The following SCHIP1 variants were observed in gnomAD, a reference collection of about 807,000 sequenced individuals.
SCHIP1 encodes the protein schwannomin-interacting protein 1.
Under a neutral mutation model 29.7 loss-of-function variants are expected in SCHIP1, and 8 were observed. The ratio of observed to expected loss-of-function variants is 0.27; its 90% CI spans 0.16 to 0.49. SCHIP1 has a LOEUF of 0.49. SCHIP1 is among the 20% of genes least tolerant of loss of function. SCHIP1 has a pLI of 0.99. For missense variants in SCHIP1, 193 were observed against 294.6 expected, an observed-to-expected ratio of 0.66 and a Z score of 2.52; for synonymous variants, 76 against 94.9, an observed-to-expected ratio of 0.80 and a Z score of 1.16.
chr3:159,665,086 C>T, the SCHIP1 span, among the ~76,000 whole-genome samples: 2 of 152,304 alleles, frequency 1.3e-5, no homozygotes, highest in African/African-American at 2.4e-5. Context: ...ATCTGAGCTC[C>T]ACCCAAGCCA....
chr3:159,426,609 G>A, the SCHIP1 span, among the ~76,000 whole-genome samples: 1 of 152,128 alleles, frequency 6.6e-6, no homozygotes, highest in African/African-American at 2.4e-5. Context: ...AGAGGTACAA[G>A]GAGGAACTGG....
exon 7 of SCHIP1, chr3:159,896,980 T>A: frequency 2.2e-6 from 1 of 463,790 alleles, no homozygotes; most frequent in Non-Finnish European, 3.7e-6. Flanking sequence ...TTTAATAAAA[T>A]ATTGTTACAA....
chr3:159,334,897 CTTCT>C, the SCHIP1 span, among the ~76,000 whole-genome samples: 22 of 122,388 alleles, frequency 1.8e-4, no homozygotes, highest in East Asian at 5.3e-4. Context: ...TCTTCTTCTT[CTTCT>C]TTTTTTTTTT....
chr3:159,419,290 G>GTCTTGC, the SCHIP1 span, among the ~76,000 whole-genome samples: 30 of 152,292 alleles, frequency 2.0e-4, no homozygotes, highest in South Asian at 3.9e-3. Flanking sequence ...GGGAGGACTA[G>GTCTTGC]AGGTGCTGTG....
the SCHIP1 span, among the ~76,000 whole-genome samples, chr3:159,736,027 A>G: frequency 2.0e-5 from 3 of 151,942 alleles, no homozygotes; most frequent in Admixed American, 6.6e-5. Context: ...GTGCTCAGTA[A>G]TTATGTTGGA....
the SCHIP1 span, among the ~76,000 whole-genome samples, chr3:159,359,571 C>T: frequency 6.6e-6 from 1 of 152,002 alleles, no homozygotes; most frequent in Non-Finnish European, 1.5e-5. Context: ...TTATCAAAGT[C>T]GTTAATTTTA....
chr3:159,432,335 T>A, the SCHIP1 span, among the ~76,000 whole-genome samples: 12,999 of 83,054 alleles, frequency 0.16, 676 homozygotes, highest in South Asian at 0.28. Context: ...TGTGTGTGTG[T>A]GTGTGAGAGA....
the SCHIP1 span, among the ~76,000 whole-genome samples, chr3:159,511,744 A>G: frequency 6.6e-6 from 1 of 152,258 alleles, no homozygotes; most frequent in Admixed American, 6.5e-5. Flanking sequence ...CCTGCTTTGC[A>G]GATCAGAAGA....
the SCHIP1 span, among the ~76,000 whole-genome samples, chr3:159,298,557 G>T: frequency 8.5e-5 from 13 of 152,146 alleles, no homozygotes; most frequent in African/African-American, 3.1e-4. Flanking sequence ...CATTTATTAA[G>T]GGCCCTGTAA....
the SCHIP1 span, among the ~76,000 whole-genome samples, chr3:159,649,126 G>T: frequency 6.6e-6 from 1 of 152,044 alleles, no homozygotes; most frequent in Admixed American, 6.6e-5. Flanking sequence ...AGAGGTCTGG[G>T]CCCTGCCATT....
chr3:159,888,119 GC>G, intron 4 of SCHIP1: 1 of 642,848 alleles, frequency 1.6e-6, no homozygotes, highest in South Asian at 2.1e-5. Context: ...AGTAAAGTTT[GC>G]TGTTGATTGA....
chr3:159,545,023 T>C, the SCHIP1 span, among the ~76,000 whole-genome samples: 2 of 152,134 alleles, frequency 1.3e-5, no homozygotes, highest in Admixed American at 6.6e-5. Context: ...GTAGGTGATA[T>C]TTGTAGATGA....
the SCHIP1 span, among the ~76,000 whole-genome samples, chr3:159,542,325 G>C: frequency 6.6e-6 from 1 of 151,982 alleles, no homozygotes; most frequent in Non-Finnish European, 1.5e-5. Flanking sequence ...TCAAGATAAT[G>C]AACATTCTCA....
At chr3:159,299,028 A>G in the SCHIP1 span, among the ~76,000 whole-genome samples, 2 of 152,110 alleles carry the variant, frequency 1.3e-5, no homozygotes, top group Non-Finnish European at 2.9e-5. Flanking sequence ...CTTTTTGTTG[A>G]AAATTCTAGG....
chr3:159,771,905 A>C, the SCHIP1 span, among the ~76,000 whole-genome samples: 12 of 152,176 alleles, frequency 7.9e-5, no homozygotes, highest in African/African-American at 2.7e-4. Flanking sequence ...GTGGACCTTC[A>C]AGACATCCTC....
the SCHIP1 span, among the ~76,000 whole-genome samples, chr3:159,532,583 G>A: frequency 6.6e-6 from 1 of 152,130 alleles, no homozygotes; most frequent in African/African-American, 2.4e-5. Flanking sequence ...CAAAGTAAAT[G>A]TAATGGAGTT....
chr3:159,523,200 C>T, the SCHIP1 span, among the ~76,000 whole-genome samples: 1 of 152,208 alleles, frequency 6.6e-6, no homozygotes, highest in African/African-American at 2.4e-5. Flanking sequence ...CATAACCATA[C>T]TCCCATTATC....
chr3:159,440,553 A>G, the SCHIP1 span, among the ~76,000 whole-genome samples: 2 of 152,182 alleles, frequency 1.3e-5, no homozygotes, highest in African/African-American at 4.8e-5. Flanking sequence ...TCTGTTTGGT[A>G]AAATTAGAAC....
the SCHIP1 span, among the ~76,000 whole-genome samples, chr3:159,697,718 G>A: frequency 6.6e-6 from 1 of 151,974 alleles, no homozygotes; most frequent in Non-Finnish European, 1.5e-5. Flanking sequence ...ACAGATCATA[G>A]ATAGTTTTTA....
Sources: allele counts gnomAD v4.1 joint callset (sites outside exome capture counted in the v4.1 genomes callset), GRCh38; gene constraint gnomAD v4.1.1; transcripts MANE v1.5; gene names NCBI Gene and HGNC (gene_info 2026-07-23, HGNC 2026-07-21).